The following MDGA1 variants were observed in gnomAD, a reference collection of about 807,000 sequenced individuals.
MDGA1 encodes the protein MAM domain-containing glycosylphosphatidylinositol anchor protein 1.
In MDGA1, 54 loss-of-function variants were observed where a neutral mutation model predicts 101.5. The ratio of observed to expected loss-of-function variants is 0.53; its 90% CI spans 0.43 to 0.67. The LOEUF (loss-of-function observed/expected upper bound fraction) is 0.67, where lower values mean the gene tolerates loss of function less well. Ranked by LOEUF, MDGA1 falls within the 30% of genes least tolerant of loss-of-function variation. The probability of loss-of-function intolerance (pLI) is 0.00; values close to 1 mark genes in which losing one functional copy is unlikely to be tolerated. For missense variants in MDGA1, 1,083 were observed against 1,323.8 expected, an observed-to-expected ratio of 0.82 and a Z score of 2.82; for synonymous variants, 533 against 558.3, an observed-to-expected ratio of 0.95 and a Z score of 0.64.
Position 37,635,243 on chromosome 6 carries a change from T to C in MDGA1, c.*2125A>G, listed in dbSNP as rs1333881573. ...TGCAGGCAAGGCCAGGAACCACTGA[T>C]TACAGAATCCATTCCACCGGGCAAT... is the stretch of plus-strand genomic sequence containing the variant. On this transcript the variant is annotated 3_prime_UTR_variant, in exon 17 of 17. Transcript: ENST00000434837. The C allele has an allele frequency of 2.6e-6, 1 of 389,784 alleles. No individual in the cohort carries two copies. The highest frequency in any genetic ancestry group is 4.5e-6 in the Non-Finnish European group (1 of 220,994). The allele number at this position is 389,784 out of a possible 1,614,324, so 24.1% of individuals were successfully genotyped here. A position where few individuals can be genotyped will look rare whatever the true frequency, so the allele number is the denominator to read the frequency against.
chr6:37,655,149 T>C lies in MDGA1; in HGVS notation c.580-217A>G. ...GGCAGTGCCTCATCATGGGATTCTCTGGGTCTGAGGTTGCCCTTGTGCACA... is the reference window on the plus strand; with the variant it reads ...GGCAGTGCCTCATCATGGGATTCTCCGGGTCTGAGGTTGCCCTTGTGCACA... On this transcript the variant is annotated intron_variant, in intron 4 of 16. Coordinates refer to ENST00000434837, the MANE Select transcript of MDGA1 (RefSeq NM_153487.4). The surrounding 1 kb of genome is among the most constrained non-coding windows in gnomAD (Gnocchi z 5.1). The C allele has an allele frequency of 1.6e-6, 1 of 608,840 alleles. No homozygotes were observed. The highest frequency in any genetic ancestry group is 2.9e-6 in the Non-Finnish European group (1 of 350,768). 37.7% of individuals were successfully genotyped at this position (608,840 alleles called of 1,614,324 possible). A position where few individuals can be genotyped will look rare whatever the true frequency, so the allele number is the denominator to read the frequency against.
At chr6:37,648,724 G>T in intron 9 of MDGA1, 1 of 595,186 alleles carries the variant, frequency 1.7e-6, no homozygotes, top group Non-Finnish European at 2.8e-6. Flanking sequence ...TCAACCTCAA[G>T]GGAAGGTGTG....
chr6:37,684,238 CG>C (rs1762152671), intron 1 of MDGA1, among the ~76,000 whole-genome samples: 1 of 152,174 alleles, frequency 6.6e-6, no homozygotes, highest in Non-Finnish European at 1.5e-5. Flanking sequence ...ATGTTGGACC[CG>C]GTGGAGACTG....
rs775641923 is a variant in MDGA1 at position 37,638,588 on chromosome 6, G to A, written c.2616C>T (p.Gly872=). 4 of 1,614,018 alleles carry A rather than the reference G, an allele frequency of 2.5e-6. No homozygotes were observed. The highest frequency in any genetic ancestry group is 3.4e-6 in the Non-Finnish European group (4 of 1,179,890). Residue 872 remains glycine (G), a synonymous_variant, in exon 15 of 17, where the codon GGC becomes GGT. Coordinates refer to ENST00000434837, the MANE Select transcript of MDGA1 (RefSeq NM_153487.4). This position sits in a 1 kb window ranked among gnomAD's most constrained non-coding sequence, Gnocchi z 4.8. ...THAWSLSGNK[G]NVWQQAHVPI... Reference sequence around the variant, plus strand: ...GCACATGGGCCTGCTGCCACACATTGCCCTTATTGCCACTGAGAGACCAGG... The same window carrying A: ...GCACATGGGCCTGCTGCCACACATTACCCTTATTGCCACTGAGAGACCAGG...
chr6:37,691,182 A>G (rs1429083715), intron 1 of MDGA1, among the ~76,000 whole-genome samples: 1 of 152,146 alleles, frequency 6.6e-6, no homozygotes, highest in Non-Finnish European at 1.5e-5. Context: ...ACATTTAATG[A>G]ATGATGAGTG....
intron 1 of MDGA1, among the ~76,000 whole-genome samples, chr6:37,695,053 G>GGAGAAGCC (rs1762388854): frequency 6.6e-6 from 1 of 152,080 alleles, no homozygotes; most frequent in Non-Finnish European, 1.5e-5. Flanking sequence ...GCCCCAAGCA[G>GGAGAAGCC]CCTAGAGAAG....
intron 1 of MDGA1, among the ~76,000 whole-genome samples, chr6:37,670,239 C>A (rs1046333540): frequency 6.6e-6 from 1 of 152,178 alleles, no homozygotes; most frequent in Non-Finnish European, 1.5e-5. Flanking sequence ...TAAATGACAG[C>A]TCCCAAGATG....
rs1400124542 is a variant in MDGA1, at chr6:37,634,506, A to G, written c.*2862T>C. ...ACAAGTCACCAGGTGATACACAAAG[A>G]CACTCATTCCTGCTGAGGAACACAC... On this transcript the variant is annotated 3_prime_UTR_variant, in exon 17 of 17. Transcript: ENST00000434837. This position sits in a 1 kb window ranked among gnomAD's most constrained non-coding sequence, Gnocchi z 4.7. The G allele has an allele frequency of 6.5e-6, 1 of 153,208 alleles. No homozygotes were observed. Among genetic ancestry groups the G allele is most frequent in the Non-Finnish European group, 1.5e-5 (1 of 68,444 alleles). The allele number at this position is 153,208 out of a possible 1,614,324, so 9.5% of individuals were successfully genotyped here.
rs1276010133 is a variant in MDGA1 at position 37,697,016 on chromosome 6, G to C, written c.-205C>G. 1.8e-6 allele frequency: 1 copy of C among 542,728 alleles called. No homozygotes were observed. Among genetic ancestry groups the C allele is most frequent in the Non-Finnish European group, 3.3e-6 (1 of 307,204 alleles). The allele number at this position is 542,728 out of a possible 1,614,324, so 33.6% of individuals were successfully genotyped here. On this transcript the variant is annotated 5_prime_UTR_variant, in exon 1 of 17. Coordinates refer to ENST00000434837, the MANE Select transcript of MDGA1 (RefSeq NM_153487.4). ...TCCGGCGGGGCCGCTGCCCGCGTGG[G>C]GACGCAGGGGGCGCTGGCCCAGCCC... is the stretch of plus-strand genomic sequence containing the variant.
At position 37,654,295 on chromosome 6, in the gene MDGA1, T is replaced by G. The variant is rs1761431889; in HGVS notation, c.961A>C (p.Thr321Pro). 17 of 1,557,840 alleles carry G rather than the reference T, an allele frequency of 1.1e-5. No individual in the cohort carries two copies. Among genetic ancestry groups the G allele is most frequent in the Non-Finnish European group, 1.5e-5 (17 of 1,151,324 alleles). The change falls in exon 6 of 17, where the codon ACT becomes CCT. Residue 321 changes from threonine (T) to proline (P), a missense_variant. By Grantham distance (38) the Thr-to-Pro change is conservative. Around this residue, in one of 3 missense-constraint regions of MDGA1, gnomAD observed 116 missense variants for 196.6 expected, o/e 0.59. Coordinates refer to ENST00000434837, the MANE Select transcript of MDGA1 (RefSeq NM_153487.4). ...GTACATCGCACCAGCAGGTTGACAGTCTTCTTGGCAGGGTTGCCCACATTG... is the reference window on the plus strand; with the variant it reads ...GTACATCGCACCAGCAGGTTGACAGGCTTCTTGGCAGGGTTGCCCACATTG... ...TNNVGNPAKK[T>P]VNLLVRSMKN...
chr6:37,632,117 A>T lies in MDGA1; in HGVS notation c.*5251T>A, dbSNP rs1763832066. The T allele has an allele frequency of 6.6e-6, 1 of 152,138 alleles. No homozygotes were observed. The highest frequency in any genetic ancestry group is 2.1e-4 in the South Asian group (1 of 4,812). 9.4% of individuals were successfully genotyped at this position (152,138 alleles called of 1,614,324 possible). ...TAACTCCAATCATTCTGTCTCTCCTAAATGTCTCTTAGAGAAGTCTTCCCC... is the reference window on the plus strand; with the variant it reads ...TAACTCCAATCATTCTGTCTCTCCTTAATGTCTCTTAGAGAAGTCTTCCCC... On this transcript the variant is annotated 3_prime_UTR_variant, in exon 17 of 17. Transcript: ENST00000434837.
chr6:37,679,966 G>A (rs1386495344), intron 1 of MDGA1, among the ~76,000 whole-genome samples: 5 of 152,178 alleles, frequency 3.3e-5, no homozygotes, highest in African/African-American at 7.2e-5. Context: ...CCACCTGAGC[G>A]AGAGATGGTT....
At chr6:37,658,531 C>T (rs1761548583) in intron 2 of MDGA1, 112 bp from the exon 3 acceptor site, 4 of 1,122,248 alleles carry the variant, frequency 3.6e-6, no homozygotes, top group Non-Finnish European at 3.8e-6. Flanking sequence ...TTCACAAGCG[C>T]ACGTGGGGCA....
At position 37,638,748 on chromosome 6, in the gene MDGA1, C is replaced by T; in HGVS notation, c.2537-81G>A. On this transcript the variant is annotated intron_variant, in intron 14 of 16. Coordinates refer to ENST00000434837, the MANE Select transcript of MDGA1 (RefSeq NM_153487.4). The surrounding 1 kb of genome is among the most constrained non-coding windows in gnomAD (Gnocchi z 4.8). The stretch of plus-strand genomic sequence containing the variant: ...TTCCACATTTACCAAGCCCTCTTCT[C>T]CCACCATAGCCTGCAGCCCTGTCCC... 6.6e-7 allele frequency: 1 copy of T among 1,520,022 alleles called. No homozygotes were observed. The allele number at this position is 1,520,022 out of a possible 1,614,324, so 94.2% of individuals were successfully genotyped here.
chr6:37,680,512 G>T (rs1762070756), intron 1 of MDGA1, among the ~76,000 whole-genome samples: 2 of 152,272 alleles, frequency 1.3e-5, no homozygotes, highest in African/African-American at 4.8e-5. Context: ...ACCCTGCAAG[G>T]ACTAGACACC....
Position 37,688,953 on chromosome 6 carries a change from C to CA in MDGA1, c.67+7791dup, listed in dbSNP as rs142587157. Among the ~76,000 whole-genome samples, 462 of 152,298 alleles carry CA rather than the reference C, an allele frequency of 3.0e-3. 1 individual carries two copies. The highest frequency in any genetic ancestry group is 0.01 in the African/African-American group (435 of 41,556). On this transcript the variant is annotated intron_variant, in intron 1 of 16. Transcript: ENST00000434837. ...CCTGGTCTAGCAGCATCGGCACCAC[C>CA]AGATTCACGCAGAATCTCAGCCCAG... is the stretch of plus-strand genomic sequence containing the variant.
At chr6:37,665,831 T>C (rs1409878812) in intron 1 of MDGA1, among the ~76,000 whole-genome samples, 1 of 152,242 alleles carries the variant, frequency 6.6e-6, no homozygotes, top group Admixed American at 6.5e-5. Context: ...ATGAGACGCA[T>C]GTAACATGCA....
At chr6:37,656,005 C>G in intron 3 of MDGA1, 109 bp from the exon 4 acceptor site, 1 of 838,208 alleles carries the variant, frequency 1.2e-6, no homozygotes, top group Non-Finnish European at 1.8e-6. Flanking sequence ...ACAGACATTT[C>G]CAGATTGCCA....
intron 1 of MDGA1, among the ~76,000 whole-genome samples, chr6:37,670,553 A>T (rs1761846576): frequency 6.6e-6 from 1 of 152,182 alleles, no homozygotes; most frequent in African/African-American, 2.4e-5. Context: ...GGAATAAATA[A>T]AGAAACTCAT....
Sources: gnomAD v4.1 joint callset for allele counts (sites outside exome capture counted in the v4.1 genomes callset) on GRCh38, gnomAD v4.1.1 for gene constraint, gnomAD v4.1.1 regional missense constraint, Gnocchi (gnomAD v3.1) non-coding constraint, MANE v1.5 for transcripts, NCBI Gene and HGNC (gene_info 2026-07-23, HGNC 2026-07-21) for gene names.